ZCCHC14: variants seen among roughly 807,000 people sequenced by gnomAD.
ZCCHC14 encodes the protein zinc finger CCHC domain-containing protein 14.
A neutral mutation model predicts 85.0 loss-of-function variants in ZCCHC14; 16 were observed. That is an observed-to-expected ratio of 0.19 (90% CI 0.13 to 0.29). The LOEUF (loss-of-function observed/expected upper bound fraction) is 0.29, where lower values mean the gene tolerates loss of function less well. ZCCHC14 is among the 10% of genes least tolerant of loss of function. The pLI is 1.00. For missense variants in ZCCHC14, 1,303 were observed against 1,443.5 expected, an observed-to-expected ratio of 0.90 and a Z score of 1.58; for synonymous variants, 775 against 630.7, an observed-to-expected ratio of 1.23 and a Z score of -3.43.
chr16:87,423,968 G>T, intron 3 of ZCCHC14, 87 bp from the exon 4 acceptor site: 1 of 1,431,170 alleles, frequency 7.0e-7, no homozygotes, highest in Non-Finnish European at 9.6e-7. Context: ...TGGGGCACAC[G>T]TTCAGTCGGC....
chr16:87,418,823 C>T (rs201027779), intron 7 of ZCCHC14, 24 bp downstream of exon 7: 1 of 1,607,630 alleles, frequency 6.2e-7, no homozygotes, highest in Admixed American at 1.7e-5. Flanking sequence ...CTGAACTGTG[C>T]TGGTTACATA....
At chr16:87,427,861 G>T (rs965336341) in intron 3 of ZCCHC14, among the ~76,000 whole-genome samples, 21 of 151,794 alleles carry the variant, frequency 1.4e-4, no homozygotes, top group Non-Finnish European at 3.1e-4. Context: ...CACCCAGGCT[G>T]GCTCAAGCGA....
Position 87,480,796 on chromosome 16 carries a change from C to G in ZCCHC14, c.570+10873G>C, listed in dbSNP as rs149838123. ...AAGGTCTAGGATAAGGATGCAACAA[C>G]AAAATGACTGGTATCTATGAACCAA... On this transcript the variant is annotated intron_variant, in intron 1 of 12. Coordinates refer to ENST00000671377, the MANE Select transcript of ZCCHC14 (RefSeq NM_015144.3). Among the ~76,000 whole-genome samples, 29 of 152,284 alleles carry G rather than the reference C, an allele frequency of 1.9e-4. No homozygotes were observed. The East Asian group carries it at 5.0e-3, about 26-fold the overall frequency.
chr16:87,437,675 G>A (rs987969842), intron 2 of ZCCHC14, among the ~76,000 whole-genome samples: 2 of 152,232 alleles, frequency 1.3e-5, no homozygotes, highest in Admixed American at 1.3e-4. Context: ...CCTTTGAAAT[G>A]TTTGTCTGTT....
At chr16:87,442,890 A>C (rs1193505959) in intron 2 of ZCCHC14, among the ~76,000 whole-genome samples, 2 of 152,254 alleles carry the variant, frequency 1.3e-5, no homozygotes, top group Non-Finnish European at 2.9e-5. Flanking sequence ...TACCAACTGT[A>C]ACTCTACATC....
intron 3 of ZCCHC14, among the ~76,000 whole-genome samples, chr16:87,430,035 T>C (rs943382404): frequency 3.3e-5 from 5 of 152,262 alleles, no homozygotes; most frequent in African/African-American, 1.2e-4. Context: ...CTTCATAGCA[T>C]CTCTCAAAGA....
chr16:87,433,020 G>T, intron 3 of ZCCHC14, 108 bp downstream of exon 3: 1 of 1,017,022 alleles, frequency 9.8e-7, no homozygotes, highest in Non-Finnish European at 1.4e-6. Flanking sequence ...GCACTGGCAC[G>T]GGGCTTTGCA....
At position 87,406,647 on chromosome 16, in the gene ZCCHC14, G is replaced by A. The variant is rs1300964517; in HGVS notation, c.*3633C>T. On this transcript the variant is annotated 3_prime_UTR_variant, in exon 13 of 13. Coordinates refer to ENST00000671377, the MANE Select transcript of ZCCHC14 (RefSeq NM_015144.3). ...TGAGGGCTTGTTACAACGCACGTGA[G>A]GCCGCGGCGGATGGCCACTGCCCCC... 6.6e-6 allele frequency: 1 copy of A among 152,266 alleles called. No individual in the cohort carries two copies. The highest frequency in any genetic ancestry group is 1.5e-5 in the Non-Finnish European group (1 of 68,050). 9.4% of individuals were successfully genotyped at this position (152,266 alleles called of 1,614,324 possible). A position where few individuals can be genotyped will look rare whatever the true frequency, so the allele number is the denominator to read the frequency against.
At chr16:87,416,704 C>T (rs776283919) in intron 8 of ZCCHC14, among the ~76,000 whole-genome samples, 3 of 152,016 alleles carry the variant, frequency 2.0e-5, no homozygotes, top group East Asian at 1.9e-4. Flanking sequence ...TGCAGGGAGC[C>T]GAGACCATAC....
intron 1 of ZCCHC14, among the ~76,000 whole-genome samples, chr16:87,469,078 T>C (rs1911663443): frequency 6.6e-6 from 1 of 152,196 alleles, no homozygotes; most frequent in Non-Finnish European, 1.5e-5. Context: ...CAAAAAGTAC[T>C]AGCATTTTTG....
intron 1 of ZCCHC14, among the ~76,000 whole-genome samples, chr16:87,460,458 C>T (rs1007575114): frequency 4.6e-5 from 7 of 152,206 alleles, no homozygotes; most frequent in Non-Finnish European, 7.4e-5. Flanking sequence ...AGGAGGCTGA[C>T]GCAGGTGGAT....
chr16:87,452,403 G>T (rs1006449368), intron 2 of ZCCHC14, among the ~76,000 whole-genome samples: 1 of 152,198 alleles, frequency 6.6e-6, no homozygotes, highest in African/African-American at 2.4e-5. Flanking sequence ...CTTGGAGTCT[G>T]TAAGGGTCTC....
chr16:87,421,178 C>T (rs1312541794), intron 4 of ZCCHC14, among the ~76,000 whole-genome samples: 2 of 152,168 alleles, frequency 1.3e-5, no homozygotes, highest in Non-Finnish European at 2.9e-5. Context: ...AGTTCCTTTC[C>T]GCAGGAGGAG....
chr16:87,435,992 CTA>C (rs1296019098), intron 2 of ZCCHC14, among the ~76,000 whole-genome samples: 1 of 152,186 alleles, frequency 6.6e-6, no homozygotes, highest in Non-Finnish European at 1.5e-5. Flanking sequence ...TGACATCACT[CTA>C]ATCCATGTAT....
intron 3 of ZCCHC14, among the ~76,000 whole-genome samples, chr16:87,425,151 G>C (rs191524646): frequency 2.0e-5 from 3 of 152,058 alleles, no homozygotes. Flanking sequence ...CAGGCCAGTC[G>C]AGGAAAGGGC....
At chr16:87,414,656 T>G in intron 9 of ZCCHC14, 115 bp from the exon 10 acceptor site, 4 of 1,385,282 alleles carry the variant, frequency 2.9e-6, no homozygotes, top group East Asian at 2.5e-5. Flanking sequence ...CAGGGCGACT[T>G]CGAGATGGGT....
At chr16:87,483,304 C>CAA (rs56708958) in intron 1 of ZCCHC14, among the ~76,000 whole-genome samples, 7 of 43,666 alleles carry the variant, frequency 1.6e-4, no homozygotes, top group African/African-American at 6.0e-4. Flanking sequence ...CTAAAAATAC[C>CAA]AAAAAAAAAA....
At chr16:87,490,802 C>CATAA (rs200795446) in intron 1 of ZCCHC14, among the ~76,000 whole-genome samples, 2,531 of 152,362 alleles carry the variant, frequency 0.017, 25 homozygotes, top group Middle Eastern at 0.048. Flanking sequence ...TGTGCACATT[C>CATAA]ATACACACGT....
Position 87,444,594 on chromosome 16 carries a change from C to T in ZCCHC14, c.695-11393G>A, listed in dbSNP as rs150742543. Among the ~76,000 whole-genome samples, 710 of 152,162 alleles carry T rather than the reference C, an allele frequency of 4.7e-3. 2 individuals are homozygous for T. Among genetic ancestry groups the T allele is most frequent in the African/African-American group, 0.014 (590 of 41,506 alleles). ...GAACAAATTGAGAGCTTGTACCACC[C>T]GACAGGACACAGTGAGAGCAGCGTA... On this transcript the variant is annotated intron_variant, in intron 2 of 12. Coordinates refer to ENST00000671377, the MANE Select transcript of ZCCHC14 (RefSeq NM_015144.3).
Sources: gnomAD v4.1 joint callset for allele counts (sites outside exome capture counted in the v4.1 genomes callset) on GRCh38, gnomAD v4.1.1 for gene constraint, MANE v1.5 for transcripts, NCBI Gene and HGNC (gene_info 2026-07-23, HGNC 2026-07-21) for gene names.